Variants in MTREX observed in about 807,000 individuals in gnomAD.
The protein encoded by MTREX is exosome RNA helicase MTR4.
MTREX carries 76 observed loss-of-function variants against 135.4 expected under a neutral mutation model. That is an observed-to-expected ratio of 0.56 (90% CI 0.47 to 0.68). The LOEUF (loss-of-function observed/expected upper bound fraction) is 0.68. Among genes scored for constraint, MTREX ranks in the 30% least tolerant of loss-of-function variants. The probability of loss-of-function intolerance (pLI) is 0.00; values close to 1 mark genes in which losing one functional copy is unlikely to be tolerated. For missense variants in MTREX, 920 were observed against 1,262.1 expected (o/e 0.73, Z 4.11); for synonymous variants, 404 against 401.6 (o/e 1.01, Z -0.07).
chr5:55,356,140 C>A (rs1203964317), intron 14 of MTREX, among the ~76,000 whole-genome samples: 1 of 152,210 alleles, frequency 6.6e-6, no homozygotes, highest in Non-Finnish European at 1.5e-5. Flanking sequence ...AGGCCCATGG[C>A]AAGGAGTGGG....
intron 18 of MTREX, among the ~76,000 whole-genome samples, chr5:55,379,936 T>A (rs1750367653): frequency 6.6e-6 from 1 of 152,206 alleles, no homozygotes; most frequent in Non-Finnish European, 1.5e-5. Flanking sequence ...TTTTGTTTAT[T>A]TTTTTTCTTT....
intron 21 of MTREX, among the ~76,000 whole-genome samples, chr5:55,401,665 G>A (rs1361789776): frequency 3.3e-5 from 5 of 152,162 alleles, no homozygotes; most frequent in Non-Finnish European, 7.4e-5. Context: ...TATTGTCTGT[G>A]GTTTTTGCTG....
At chr5:55,336,490 CGTA>C (rs1455394738) in intron 5 of MTREX, among the ~76,000 whole-genome samples, 2 of 152,090 alleles carry the variant, frequency 1.3e-5, no homozygotes, top group Non-Finnish European at 2.9e-5. Context: ...TTGAGGAAAT[CGTA>C]GTATTAGCTT....
At chr5:55,383,524 G>A (rs1395460304) in intron 18 of MTREX, among the ~76,000 whole-genome samples, 1 of 152,104 alleles carries the variant, frequency 6.6e-6, no homozygotes, top group Non-Finnish European at 1.5e-5. Flanking sequence ...TTTCTGCTGA[G>A]AAGTTTTTGC....
intron 5 of MTREX, among the ~76,000 whole-genome samples, chr5:55,329,617 T>C (rs1464191468): frequency 6.6e-6 from 1 of 152,240 alleles, no homozygotes; most frequent in Non-Finnish European, 1.5e-5. Context: ...TGAGAAAATC[T>C]TAACTTTTGT....
intron 20 of MTREX, among the ~76,000 whole-genome samples, chr5:55,399,033 C>G (rs568123871): frequency 1.3e-5 from 2 of 152,076 alleles, no homozygotes; most frequent in Non-Finnish European, 2.9e-5. Flanking sequence ...ACTTCAGAAC[C>G]GCAATTTTAG....
intron 5 of MTREX, among the ~76,000 whole-genome samples, chr5:55,334,101 G>A (rs1238817364): frequency 1.3e-5 from 2 of 152,208 alleles, no homozygotes; most frequent in African/African-American, 2.4e-5. Context: ...TTCCATTTAT[G>A]TGAAATATCC....
chr5:55,417,994 G>C (rs1057306000), intron 25 of MTREX, among the ~76,000 whole-genome samples: 4 of 151,386 alleles, frequency 2.6e-5, no homozygotes, highest in Non-Finnish European at 5.9e-5. Flanking sequence ...CAACACTTTG[G>C]GAGGCCGAGG....
intron 21 of MTREX, among the ~76,000 whole-genome samples, chr5:55,403,057 C>G (rs1290909731): frequency 1.3e-5 from 2 of 151,662 alleles, no homozygotes; most frequent in African/African-American, 4.9e-5. Context: ...AAAAATTAGC[C>G]AGGCATGGTA....
chr5:55,352,177 C>A (rs965729991), intron 13 of MTREX, among the ~76,000 whole-genome samples: 1 of 151,778 alleles, frequency 6.6e-6, no homozygotes, highest in African/African-American at 2.4e-5. Flanking sequence ...CCATGCCCAG[C>A]CTCATACATT....
intron 13 of MTREX, among the ~76,000 whole-genome samples, chr5:55,352,028 TTTG>T (rs1220439376): frequency 1.3e-5 from 2 of 151,438 alleles, no homozygotes; most frequent in African/African-American, 2.4e-5. Flanking sequence ...TTGTTTTTGT[TTTG>T]TTTTGTTTTG....
chr5:55,365,002 C>T (rs1363899447), intron 15 of MTREX, among the ~76,000 whole-genome samples: 1 of 152,128 alleles, frequency 6.6e-6, no homozygotes, highest in Non-Finnish European at 1.5e-5. Flanking sequence ...ACTGGTACAG[C>T]AGGTGTAAGT....
intron 16 of MTREX, among the ~76,000 whole-genome samples, chr5:55,368,976 G>A (rs955014741): frequency 2.0e-5 from 3 of 152,012 alleles, no homozygotes; most frequent in African/African-American, 7.2e-5. Context: ...TCTTGTAAAA[G>A]TTATTAATAA....
chr5:55,415,920 G>A, intron 24 of MTREX, 50 bp from the exon 25 acceptor site: 1 of 1,319,858 alleles, frequency 7.6e-7, no homozygotes, highest in Non-Finnish European at 1.0e-6. Flanking sequence ...AAAGAATAAA[G>A]TGATATGGGA....
At chr5:55,342,248 T>G (rs1182269561) in intron 7 of MTREX, among the ~76,000 whole-genome samples, 2 of 152,128 alleles carry the variant, frequency 1.3e-5, no homozygotes, top group African/African-American at 4.8e-5. Flanking sequence ...TATTTTTCCA[T>G]TAAGATTTCA....
Position 55,400,257 on chromosome 5 carries a change from G to A in MTREX, c.2317G>A (p.Gly773Ser), listed in dbSNP as rs748393692. 9 of 1,568,452 alleles carry A rather than the reference G, an allele frequency of 5.7e-6. No individual in the cohort carries two copies. The highest frequency in any genetic ancestry group is 3.6e-5 in the South Asian group (3 of 83,774). Residue 773 changes from glycine to serine, a missense_variant, in exon 21 of 27, where the codon GGC becomes AGC. Gly to Ser is a moderately conservative substitution (Grantham distance 56). Coordinates refer to ENST00000230640, the MANE Select transcript of MTREX (RefSeq NM_015360.5). ...IQEVQKRFPD[G>S]IPLLDPIDDM... Reference sequence around the variant, plus strand: ...GGAAGTTCAGAAACGTTTTCCTGACGGCATCCCCTTATTAGACCCTATTGA... The same window carrying A: ...GGAAGTTCAGAAACGTTTTCCTGACAGCATCCCCTTATTAGACCCTATTGA...
rs771117932 is a variant in MTREX at position 55,321,032 on chromosome 5, G to C, written c.135-1295G>C. 2.0e-5 allele frequency among the ~76,000 whole-genome samples: 3 copies of C among 152,144 alleles called. No homozygotes were observed. In the East Asian group the frequency reaches 5.8e-4, roughly 29 times the overall value. On this transcript the variant is annotated intron_variant, in intron 1 of 26. Coordinates refer to ENST00000230640, the MANE Select transcript of MTREX (RefSeq NM_015360.5). Reference sequence around the variant, plus strand: ...AAAATATAAAAACTATGCCATTCTCGTTAAAATTTTTTTAGAAAATAGTTA... The same window carrying C: ...AAAATATAAAAACTATGCCATTCTCCTTAAAATTTTTTTAGAAAATAGTTA...
chr5:55,317,206 T>C (rs920141012), intron 1 of MTREX, among the ~76,000 whole-genome samples: 1 of 152,182 alleles, frequency 6.6e-6, no homozygotes, highest in Non-Finnish European at 1.5e-5. Flanking sequence ...TCAAAATGGC[T>C]ATAGTGCCCA....
intron 14 of MTREX, among the ~76,000 whole-genome samples, chr5:55,355,282 A>T (rs1749892768): frequency 6.6e-6 from 1 of 152,164 alleles, no homozygotes; most frequent in Non-Finnish European, 1.5e-5. Flanking sequence ...AAGAGGGAGC[A>T]CTGGAGCCTG....
Sources: allele counts gnomAD v4.1 joint callset (sites outside exome capture counted in the v4.1 genomes callset), GRCh38; gene constraint gnomAD v4.1.1; transcripts MANE v1.5; gene names NCBI Gene and HGNC (gene_info 2026-07-23, HGNC 2026-07-21).